TP53BP1: variants seen among roughly 807,000 people sequenced by gnomAD.
TP53BP1 encodes TP53-binding protein 1.
TP53BP1 carries 61 observed loss-of-function variants against 200.8 expected under a neutral mutation model. The observed-to-expected ratio is 0.30, with a 90% confidence interval of 0.25 to 0.38. The LOEUF (loss-of-function observed/expected upper bound fraction) is 0.38, where lower values mean the gene tolerates loss of function less well. Ranked by LOEUF, TP53BP1 falls within the 10% of genes least tolerant of loss-of-function variation. The pLI, the probability that TP53BP1 is intolerant of heterozygous loss-of-function variation, is 1.00. For synonymous variants in TP53BP1, 822 were observed against 844.3 expected (o/e 0.97, Z 0.46); for missense variants, 2,144 against 2,371.9 (o/e 0.90, Z 2.00).
intron 17 of TP53BP1, among the ~76,000 whole-genome samples, chr15:43,429,542 T>C (rs2045624545): frequency 7.7e-6 from 1 of 129,928 alleles, no homozygotes; most frequent in Non-Finnish European, 1.5e-5. Context: ...ATGGTAATTC[T>C]GCATTTTTTT....
chr15:43,506,539 G>T (rs2140186376), intron 1 of TP53BP1, among the ~76,000 whole-genome samples: 1 of 152,260 alleles, frequency 6.6e-6, no homozygotes, highest in South Asian at 2.1e-4. Flanking sequence ...TCTTTCAGTG[G>T]TGGATCCTTA....
At chr15:43,486,484 T>C (rs180994715) in intron 4 of TP53BP1, among the ~76,000 whole-genome samples, 1 of 152,326 alleles carries the variant, frequency 6.6e-6, no homozygotes. Flanking sequence ...ACATTTATAG[T>C]TTTACAATAG....
chr15:43,468,764 G>T (rs545161132), intron 11 of TP53BP1, among the ~76,000 whole-genome samples: 1 of 152,246 alleles, frequency 6.6e-6, no homozygotes, highest in Non-Finnish European at 1.5e-5. Context: ...TCATTTGACT[G>T]ATGAGCAAAC....
intron 12 of TP53BP1, among the ~76,000 whole-genome samples, chr15:43,450,849 G>A (rs1255789249): frequency 6.8e-6 from 1 of 147,250 alleles, no homozygotes; most frequent in Non-Finnish European, 1.5e-5. Context: ...TTGTTTGAAT[G>A]TTTTTCAAAA....
chr15:43,447,007 C>CTAAT, intron 13 of TP53BP1: 1 of 509,768 alleles, frequency 2.0e-6, no homozygotes, highest in Non-Finnish European at 3.9e-6. Flanking sequence ...AGCAGACTGA[C>CTAAT]TAATTAGCCA....
chr15:43,475,626 T>C lies in TP53BP1; in HGVS notation c.1024A>G (p.Thr342Ala). 1 of 1,614,064 alleles carries C rather than the reference T, an allele frequency of 6.2e-7. No individual in the cohort carries two copies. The highest frequency in any genetic ancestry group is 1.1e-5 in the South Asian group (1 of 91,076). The change falls in exon 9 of 28, where the codon ACC (threonine) becomes GCC (alanine). Residue 342 changes from threonine to alanine, a missense_variant. By Grantham distance (58) the Thr-to-Ala change is moderately conservative (BLOSUM62 0). Around this residue, in one of 4 missense-constraint regions of TP53BP1, gnomAD observed 1,700 missense variants for 1,710.3 expected, o/e 0.99. Coordinates refer to ENST00000382044, the MANE Select transcript of TP53BP1 (RefSeq NM_001141980.3). Reference protein sequence around the residue: ...GGCSLASTPATTLHLLQLSGQ... With the variant: ...GGCSLASTPAATLHLLQLSGQ... ...GAGAGCTGCAGGAGATGCAGAGTGGTGGCAGGAGTGGAAGCCAAAGAACAC... is the reference window on the plus strand; with the variant it reads ...GAGAGCTGCAGGAGATGCAGAGTGGCGGCAGGAGTGGAAGCCAAAGAACAC...
intron 18 of TP53BP1, among the ~76,000 whole-genome samples, chr15:43,425,882 G>A (rs1314947334): frequency 3.3e-5 from 5 of 152,110 alleles, no homozygotes; most frequent in South Asian, 2.1e-4. Flanking sequence ...TGGCTAACAC[G>A]GTGAAACCCT....
chr15:43,413,359 C>CT, intron 23 of TP53BP1, 25 bp from the exon 24 acceptor site: 1 of 1,599,200 alleles, frequency 6.3e-7, no homozygotes, highest in Non-Finnish European at 8.6e-7. Context: ...GGCACAGTTA[C>CT]TAGAGGGATA....
At chr15:43,431,369 C>G (rs1031281564) in intron 17 of TP53BP1, among the ~76,000 whole-genome samples, 2 of 152,246 alleles carry the variant, frequency 1.3e-5, no homozygotes, top group African/African-American at 4.8e-5. Flanking sequence ...TGAACTTCTA[C>G]GTATTTGTTA....
chr15:43,466,262 C>G (rs1399045350), intron 11 of TP53BP1, among the ~76,000 whole-genome samples: 2 of 152,164 alleles, frequency 1.3e-5, no homozygotes, highest in Non-Finnish European at 2.9e-5. Context: ...GATTAGAAAT[C>G]AGGAGGGTCC....
intron 1 of TP53BP1, among the ~76,000 whole-genome samples, chr15:43,502,218 G>A (rs935729169): frequency 2.0e-5 from 3 of 152,092 alleles, no homozygotes; most frequent in South Asian, 2.1e-4. Flanking sequence ...AGCTACTAGG[G>A]AGGCTGAGGT....
chr15:43,481,067 G>A (rs752986274), intron 4 of TP53BP1, 45 bp from the exon 5 acceptor site: 125 of 1,612,526 alleles, frequency 7.8e-5, no homozygotes, highest in Admixed American at 3.0e-4. Context: ...GATAGTTTGG[G>A]ACACTTTAAT....
chr15:43,416,099 CCATCTGAGAAGCCA>C, intron 22 of TP53BP1, 112 bp downstream of exon 22: 2 of 898,686 alleles, frequency 2.2e-6, no homozygotes, highest in South Asian at 1.7e-5. Context: ...AGCTCATCCA[CCATCTGAGAAGCCA>C]CACATAGGAA....
rs1472272819 is a variant in TP53BP1 at position 43,421,885 on chromosome 15, G to A, written c.4070C>T (p.Pro1357Leu). Residue 1357 changes from proline (P) to leucine (L), a missense_variant, in exon 19 of 28, where the codon CCC becomes CTC. Pro to Leu is a moderately conservative substitution (Grantham distance 98, BLOSUM62 -3). Coordinates refer to ENST00000382044, the MANE Select transcript of TP53BP1 (RefSeq NM_001141980.3). ...TTTTCCTGGGCCTCCTCGGGAGCTG[G>A]GTAAGGCAAAATCTGCGGGTTCTGT... ...SGTEPADFAL[P>L]SSRGGPGKLS... 4.3e-6 allele frequency: 7 copies of A among 1,614,194 alleles called. No individual in the cohort carries two copies. The highest frequency in any genetic ancestry group is 5.9e-6 in the Non-Finnish European group (7 of 1,180,030).
intron 24 of TP53BP1, among the ~76,000 whole-genome samples, chr15:43,411,399 G>C (rs1314939776): frequency 6.6e-6 from 1 of 152,132 alleles, no homozygotes; most frequent in East Asian, 1.9e-4. Context: ...AACAAGATTA[G>C]GTACCAAACT....
chr15:43,432,039 T>C (rs962106846), intron 17 of TP53BP1, among the ~76,000 whole-genome samples, 155 bp downstream of exon 17: 1 of 152,220 alleles, frequency 6.6e-6, no homozygotes, highest in African/African-American at 2.4e-5. Context: ...CACTACCATA[T>C]CTGTATCTTA....
chr15:43,446,002 C>CTCCCTTG (rs2046033497), intron 14 of TP53BP1, among the ~76,000 whole-genome samples: 1 of 152,144 alleles, frequency 6.6e-6, no homozygotes, highest in Non-Finnish European at 1.5e-5. Context: ...CATCTGGTCC[C>CTCCCTTG]TACTTTGCAT....
chr15:43,445,432 C>T (rs1013653850), intron 14 of TP53BP1, among the ~76,000 whole-genome samples: 1 of 152,134 alleles, frequency 6.6e-6, no homozygotes, highest in African/African-American at 2.4e-5. Flanking sequence ...TTATAATCTC[C>T]TTTATGAGAT....
chr15:43,429,727 T>C (rs1161829795), intron 17 of TP53BP1, among the ~76,000 whole-genome samples: 2 of 152,140 alleles, frequency 1.3e-5, no homozygotes, highest in Non-Finnish European at 2.9e-5. Context: ...CATCCAATTA[T>C]TTAAAATACT....
Sources: allele counts gnomAD v4.1 joint callset (sites outside exome capture counted in the v4.1 genomes callset), GRCh38; gene constraint gnomAD v4.1.1; regional missense constraint gnomAD v4.1.1; transcripts MANE v1.5; gene names NCBI Gene and HGNC (gene_info 2026-07-23, HGNC 2026-07-21).